RTTN: variants seen among roughly 807,000 people sequenced by gnomAD.
RTTN encodes rotatin.
In RTTN, 182 loss-of-function variants were observed where a neutral mutation model predicts 269.2. That is an observed-to-expected ratio of 0.68 (90% CI 0.60 to 0.76). The LOEUF (loss-of-function observed/expected upper bound fraction) is 0.76. RTTN is among the 30% of genes least tolerant of loss of function. The probability of loss-of-function intolerance (pLI) is 0.00; values close to 1 mark genes in which losing one functional copy is unlikely to be tolerated. For synonymous variants in RTTN, 1,006 were observed against 963.5 expected (o/e 1.04, Z -0.82); for missense variants, 2,545 against 2,608.6 (o/e 0.98, Z 0.53).
intron 10 of RTTN, among the ~76,000 whole-genome samples, chr18:70,184,708 T>TGTGTGTGTGTGTG (rs1346425275): frequency 1.7e-5 from 1 of 58,604 alleles, no homozygotes; most frequent in African/African-American, 7.0e-5. Context: ...AGCAGGTTTT[T>TGTGTGTGTGTGTG]TTTTTTTTTG....
chr18:70,092,314 G>T, intron 29 of RTTN, 94 bp from the exon 30 acceptor site: 1 of 763,064 alleles, frequency 1.3e-6, no homozygotes, highest in Non-Finnish European at 2.1e-6. Flanking sequence ...TGAAAACAAC[G>T]TGAAAATGTA....
In RTTN at chr18:70,187,552, C is replaced by T. The variant is rs150676782; in HGVS notation, c.1305+556G>A. ...ATCTAACTGTATGCTGAATGGGTAACGGTAGCTTTAAGGCACAGTATTTTG... is the reference window on the plus strand; with the variant it reads ...ATCTAACTGTATGCTGAATGGGTAATGGTAGCTTTAAGGCACAGTATTTTG... On this transcript the variant is annotated intron_variant, in intron 10 of 48. Coordinates refer to ENST00000640769, the MANE Select transcript of RTTN (RefSeq NM_173630.4). 6.4e-3 allele frequency among the ~76,000 whole-genome samples: 972 copies of T among 152,196 alleles called. 4 individuals carry two copies. The highest frequency in any genetic ancestry group is 0.011 in the Non-Finnish European group (717 of 67,986).
intron 40 of RTTN, among the ~76,000 whole-genome samples, chr18:70,032,751 A>G (rs1036181662): frequency 6.6e-6 from 1 of 152,212 alleles, no homozygotes; most frequent in African/African-American, 2.4e-5. Context: ...CACCCCATTG[A>G]CAGTATTAGA....
At chr18:70,077,587 C>T (rs2058460160) in intron 32 of RTTN, among the ~76,000 whole-genome samples, 1 of 151,906 alleles carries the variant, frequency 6.6e-6, no homozygotes, top group South Asian at 2.1e-4. Context: ...TGCAATTATT[C>T]TCTAAATATG....
At chr18:70,163,027 G>A (rs1248968881) in intron 14 of RTTN, among the ~76,000 whole-genome samples, 3 of 126,128 alleles carry the variant, frequency 2.4e-5, no homozygotes, top group African/African-American at 8.8e-5. Context: ...AAAAAACTAT[G>A]ATGGGAAATG....
intron 11 of RTTN, among the ~76,000 whole-genome samples, chr18:70,170,188 C>T (rs2061101223): frequency 6.6e-6 from 1 of 152,172 alleles, no homozygotes; most frequent in African/African-American, 2.4e-5. Context: ...CTATTATTCA[C>T]TCACTCGGTG....
At chr18:70,083,090 T>G (rs60963290) in intron 32 of RTTN, among the ~76,000 whole-genome samples, 118 of 152,250 alleles carry the variant, frequency 7.8e-4, no homozygotes, top group African/African-American at 2.7e-3. Context: ...ATAAAAGAGC[T>G]GTGACACACC....
At chr18:70,017,708 T>A (rs1383095712) in intron 45 of RTTN, 34 bp from the exon 46 acceptor site, 1 of 1,539,754 alleles carries the variant, frequency 6.5e-7, no homozygotes, top group East Asian at 2.3e-5. Flanking sequence ...TATTTTCTTC[T>A]CATCTTTTTC....
rs775614570 is a variant in RTTN, at chr18:70,017,608, G to T, written c.6220C>A (p.Leu2074Met). The change falls in exon 46 of 49, where the codon CTG becomes ATG. Residue 2074 changes from leucine (L) to methionine (M), a missense_variant. Leu to Met is a conservative substitution (Grantham distance 15, BLOSUM62 2). Transcript: ENST00000640769. ...PKGGNKHLSN[L>M]TILWLKLLLN... ...AGTAACTTCAACCAAAGAATAGTCA[G>T]ATTACTTAGATGTTTATTTCCTCCT... The T allele has an allele frequency of 3.1e-6, 5 of 1,613,620 alleles. No homozygotes were observed. In the African/African-American group the frequency reaches 6.7e-5, roughly 22 times the overall value.
At chr18:70,163,069 T>TAATAAAA (rs2060884605) in intron 14 of RTTN, among the ~76,000 whole-genome samples, 1 of 56,968 alleles carries the variant, frequency 1.8e-5, no homozygotes, top group Non-Finnish European at 3.0e-5. Context: ...TTACTATTAT[T>TAATAAAA]AAAAAAAAAA....
intron 4 of RTTN, 92 bp from the exon 5 acceptor site, chr18:70,199,596 C>T: frequency 2.3e-6 from 2 of 878,594 alleles, no homozygotes; most frequent in South Asian, 1.5e-5. Flanking sequence ...TAAAACAAGT[C>T]CCAAAATAAA....
chr18:70,147,874 G>A (rs1017560181), intron 17 of RTTN, among the ~76,000 whole-genome samples: 3 of 151,968 alleles, frequency 2.0e-5, no homozygotes, highest in Non-Finnish European at 2.9e-5. Context: ...TTCAAGTAAG[G>A]AGTACCACAC....
chr18:70,131,445 G>A (rs1303648415), intron 23 of RTTN: 1 of 151,094 alleles, frequency 6.6e-6, no homozygotes, highest in Non-Finnish European at 1.5e-5. Flanking sequence ...GCATTGTCTG[G>A]GATGTGGTAA....
chr18:70,168,345 A>G (rs2061046957), intron 12 of RTTN, among the ~76,000 whole-genome samples: 1 of 152,168 alleles, frequency 6.6e-6, no homozygotes, highest in South Asian at 2.1e-4. Context: ...ATACCGACAC[A>G]TAATTATTGC....
intron 27 of RTTN, among the ~76,000 whole-genome samples, chr18:70,111,262 G>A (rs1444646387): frequency 6.6e-6 from 1 of 152,172 alleles, no homozygotes; most frequent in East Asian, 1.9e-4. Context: ...GTATCCTGAC[G>A]GGGAGACACC....
chr18:70,052,569 T>C (rs1298811638), intron 38 of RTTN, among the ~76,000 whole-genome samples: 1 of 151,382 alleles, frequency 6.6e-6, no homozygotes, highest in Admixed American at 6.6e-5. Context: ...AAATTAAAAA[T>C]TAAAGACCTA....
At chr18:70,099,638 G>A (rs908636075) in intron 28 of RTTN, among the ~76,000 whole-genome samples, 2 of 152,138 alleles carry the variant, frequency 1.3e-5, no homozygotes, top group African/African-American at 4.8e-5. Flanking sequence ...TGGTATTTTA[G>A]TCATGAAGTC....
chr18:70,050,830 C>A (rs972995780), intron 39 of RTTN, among the ~76,000 whole-genome samples: 12 of 152,116 alleles, frequency 7.9e-5, no homozygotes, highest in African/African-American at 2.9e-4. Context: ...GAACAGAAAA[C>A]CAAACACTGT....
chr18:70,052,682 T>C (rs553171771), intron 38 of RTTN, among the ~76,000 whole-genome samples: 1 of 80,476 alleles, frequency 1.2e-5, no homozygotes, highest in African/African-American at 2.6e-5. Flanking sequence ...TTTACATACA[T>C]AAATTAGCAA....
Sources: allele counts gnomAD v4.1 joint callset (sites outside exome capture counted in the v4.1 genomes callset), GRCh38; gene constraint gnomAD v4.1.1; transcripts MANE v1.5; gene names NCBI Gene and HGNC (gene_info 2026-07-23, HGNC 2026-07-21).